SRPX: variants seen among roughly 807,000 people sequenced by gnomAD.
SRPX encodes the protein sushi repeat containing protein X-linked, also known as sushi repeat-containing protein SRPX.
SRPX carries 24 observed loss-of-function variants against 38.1 expected under a neutral mutation model. The observed-to-expected ratio is 0.63, with a 90% CI of 0.46 to 0.89. SRPX has a LOEUF of 0.89. SRPX is among the 40% of genes least tolerant of loss of function. The probability of loss-of-function intolerance (pLI) is 0.00; values close to 1 mark genes in which losing one functional copy is unlikely to be tolerated. For synonymous variants in SRPX, 184 were observed against 153.8 expected (o/e 1.20, Z -1.45); for missense variants, 416 against 377.8 (o/e 1.10, Z -0.84).
intron 1 of SRPX, among the ~76,000 whole-genome samples, chrX:38,188,093 T>C (rs1938820861): frequency 9.0e-6 from 1 of 111,153 alleles, no homozygotes; most frequent in Non-Finnish European, 1.9e-5. Flanking sequence ...ATTCCTTACA[T>C]CCCTAAATAA....
chrX:38,170,314 AAGTTCTG>A (rs1479145300), intron 4 of SRPX, among the ~76,000 whole-genome samples: 1 of 112,218 alleles, frequency 8.9e-6, no homozygotes, highest in Non-Finnish European at 1.9e-5. Flanking sequence ...AAATAGGTTG[AAGTTCTG>A]AGTTACGCTC....
intron 2 of SRPX, 45 bp from the exon 3 acceptor site, chrX:38,174,396 C>G: frequency 1.0e-6 from 1 of 970,016 alleles, no homozygotes; most frequent in Non-Finnish European, 1.3e-6. Context: ...TGAAATGACA[C>G]TTTCAGAAAA....
intron 1 of SRPX, among the ~76,000 whole-genome samples, chrX:38,202,413 T>G (rs755411642): frequency 3.1e-4 from 35 of 111,735 alleles, no homozygotes; most frequent in African/African-American, 1.0e-3. Context: ...CAGCATCAGA[T>G]GTTTATATTA....
chrX:38,172,856 T>A (rs766116365), intron 3 of SRPX, among the ~76,000 whole-genome samples: 4 of 112,803 alleles, frequency 3.5e-5, no homozygotes, highest in African/African-American at 1.3e-4. Flanking sequence ...TCACAGGAGA[T>A]GCTTTCTCTT....
At chrX:38,188,679 G>A (rs1364605114) in intron 1 of SRPX, among the ~76,000 whole-genome samples, 4 of 111,074 alleles carry the variant, frequency 3.6e-5, no homozygotes, top group East Asian at 5.6e-4. Flanking sequence ...TTTGAAATAC[G>A]TATCCATTGT....
chrX:38,164,494 C>G (rs926970222), intron 5 of SRPX, among the ~76,000 whole-genome samples: 8 of 112,403 alleles, frequency 7.1e-5, no homozygotes, highest in African/African-American at 2.6e-4. Flanking sequence ...CATTCACCAC[C>G]CCTTATTTCT....
At position 38,149,894 on chromosome X, in the gene SRPX, C is replaced by T; in HGVS notation, c.1212G>A (p.Arg404=). 2.5e-6 allele frequency: 3 copies of T among 1,198,333 alleles called. No homozygotes were observed. The highest frequency in any genetic ancestry group is 1.1e-6 in the Non-Finnish European group (1 of 889,145). Residue 404 remains arginine, a splice_region_variant and synonymous_variant, in exon 10 of 10, where the codon AGG becomes AGA. Coordinates refer to ENST00000378533, the MANE Select transcript of SRPX (RefSeq NM_006307.5). ...AGTAGAGTGGGATTCGCAGCAACAG[C>T]CTGTGGCAGACAAAGAAAAGAGGAG... ...IMPPALALQL[R]LLLRIPLYSF...
Position 38,160,099 on chromosome X carries a change from G to T in SRPX, c.873C>A (p.Ile291=). Reference sequence around the variant, plus strand: ...GGCTACCCTGGAGCTCATAGCCGCCGATGCAGGAGAACTCACAGGTGGCTC... The same window carrying T: ...GGCTACCCTGGAGCTCATAGCCGCCTATGCAGGAGAACTCACAGGTGGCTC... ...NYGATCEFSC[I]GGYELQGSPA... is the part of the protein sequence containing the mutation. Residue 291 remains isoleucine (I), a synonymous_variant, in exon 7 of 10, where the codon ATC becomes ATA. Transcript: ENST00000378533. The T allele has an allele frequency of 2.5e-6, 3 of 1,211,587 alleles. No homozygotes were observed. The highest frequency in any genetic ancestry group is 2.2e-6 in the Non-Finnish European group (2 of 895,334).
intron 4 of SRPX, among the ~76,000 whole-genome samples, chrX:38,168,976 G>C (rs1333903764): frequency 1.8e-5 from 2 of 112,126 alleles, no homozygotes; most frequent in Admixed American, 9.4e-5. Flanking sequence ...GACATAGCAA[G>C]AGGCCAGCCT....
At position 38,220,728 on chromosome X, in the gene SRPX, AG is replaced by A; in HGVS notation, c.64del (p.Leu22CysfsTer18). ...LLLPPLLLLL[L>X]LRVPPSRSFP... is the part of the protein sequence containing the mutation. ...GCTGCGGCTGGGCGGGACGCGCAGC[AG>A]CAGCAGCAGCAGCAGAGGCGGCAGC... On this transcript the variant is annotated frameshift_variant, in exon 1 of 10. Transcript: ENST00000378533. LOFTEE classifies it high-confidence loss of function. 1 of 926,363 alleles carries A rather than the reference AG, an allele frequency of 1.1e-6. No individual in the cohort carries two copies. The allele number at this position is 926,363 out of a possible 1,213,427, so 76.3% of individuals were successfully genotyped here. A position where few individuals can be genotyped will look rare whatever the true frequency, so the allele number is the denominator to read the frequency against.
At chrX:38,188,531 T>C (rs2147108572) in intron 1 of SRPX, among the ~76,000 whole-genome samples, 1 of 112,331 alleles carries the variant, frequency 8.9e-6, no homozygotes, top group Non-Finnish European at 1.9e-5. Context: ...TGTTTTTATA[T>C]AGGTGTATGT....
intron 4 of SRPX, among the ~76,000 whole-genome samples, chrX:38,171,588 G>A (rs5917546): frequency 0.35 from 38,920 of 110,609 alleles, 5,950 homozygotes; most frequent in East Asian, 0.76. Context: ...TCAGGCCCCC[G>A]AACTAAAATC....
chrX:38,194,795 A>C (rs1453904009), intron 1 of SRPX, among the ~76,000 whole-genome samples: 4 of 109,255 alleles, frequency 3.7e-5, no homozygotes, highest in African/African-American at 1.3e-4. Context: ...TATATTCAGC[A>C]TGTGTCCATT....
intron 1 of SRPX, among the ~76,000 whole-genome samples, chrX:38,191,926 A>G (rs1185910141): frequency 8.9e-6 from 1 of 112,498 alleles, no homozygotes; most frequent in African/African-American, 3.2e-5. Context: ...TCATATTTAC[A>G]TAATGCCTTA....
chrX:38,155,336 C>A (rs1161708099), intron 8 of SRPX, among the ~76,000 whole-genome samples: 3 of 112,216 alleles, frequency 2.7e-5, no homozygotes, highest in African/African-American at 9.7e-5. Flanking sequence ...GTCAATCAAA[C>A]CTTTCTTTGA....
chrX:38,192,245 TAA>T (rs1938919870), intron 1 of SRPX, among the ~76,000 whole-genome samples: 1 of 112,078 alleles, frequency 8.9e-6, no homozygotes, highest in Non-Finnish European at 1.9e-5. Flanking sequence ...CAGTTGCTTA[TAA>T]TTTGAAATTG....
At chrX:38,210,226 A>T (rs1939294544) in intron 1 of SRPX, among the ~76,000 whole-genome samples, 1 of 111,724 alleles carries the variant, frequency 9.0e-6, no homozygotes, top group Non-Finnish European at 1.9e-5. Context: ...GAATGTATAT[A>T]TCTACTAGGT....
chrX:38,168,351 A>G lies in SRPX; in HGVS notation c.527-3456T>C, dbSNP rs776112300. Among the ~76,000 whole-genome samples, 5 of 110,133 alleles carry G rather than the reference A, an allele frequency of 4.5e-5. No homozygotes were observed. The South Asian group carries it at 2.0e-3, about 44-fold the overall frequency. ...ATTATAAATGAGAGAGAGAGAGAGA[A>G]AGAGACTCAGCCAGACCCCAGTCAG... is the stretch of plus-strand genomic sequence containing the variant. On this transcript the variant is annotated intron_variant, in intron 4 of 9. Coordinates refer to ENST00000378533, the MANE Select transcript of SRPX (RefSeq NM_006307.5).
intron 1 of SRPX, among the ~76,000 whole-genome samples, chrX:38,211,415 T>C (rs964949593): frequency 8.9e-6 from 1 of 111,787 alleles, no homozygotes; most frequent in African/African-American, 3.3e-5. Flanking sequence ...ACAAATACCA[T>C]TGCTGGCCAG....
Sources: allele counts gnomAD v4.1 joint callset (sites outside exome capture counted in the v4.1 genomes callset), GRCh38; gene constraint gnomAD v4.1.1; transcripts MANE v1.5; gene names NCBI Gene and HGNC (gene_info 2026-07-23, HGNC 2026-07-21).